EFL1: variants seen among roughly 807,000 people sequenced by gnomAD.
EFL1 encodes the protein elongation factor like GTPase 1.
Under a neutral mutation model 126.7 loss-of-function variants are expected in EFL1, and 76 were observed. The observed-to-expected ratio is 0.60, with a 90% CI of 0.50 to 0.73. EFL1 has a LOEUF of 0.73. EFL1 is among the 30% of genes least tolerant of loss of function. EFL1 has a pLI of 0.00. For synonymous variants in EFL1, 410 were observed against 448.4 expected, an observed-to-expected ratio of 0.91 and a Z score of 1.08; for missense variants, 1,128 against 1,343.2, an observed-to-expected ratio of 0.84 and a Z score of 2.50.
intron 3 of EFL1, among the ~76,000 whole-genome samples, chr15:82,253,369 G>C (rs912848995): frequency 3.3e-5 from 5 of 151,112 alleles, no homozygotes; most frequent in Admixed American, 2.6e-4. Context: ...TTAAGATGAT[G>C]GGGGTCTGGA....
At chr15:82,182,023 G>A (rs2141261249) in intron 15 of EFL1, among the ~76,000 whole-genome samples, 1 of 152,288 alleles carries the variant, frequency 6.6e-6, no homozygotes. Flanking sequence ...ACTTACGGAG[G>A]CTGAGGCAGG....
intron 2 of EFL1, among the ~76,000 whole-genome samples, chr15:82,260,089 T>C (rs2075100315): frequency 1.3e-5 from 2 of 152,224 alleles, no homozygotes; most frequent in South Asian, 4.1e-4. Flanking sequence ...GAACAACGCT[T>C]GTCATATAGA....
chr15:82,227,320 T>C, intron 11 of EFL1, 130 bp downstream of exon 11: 3 of 1,382,906 alleles, frequency 2.2e-6, no homozygotes, highest in Non-Finnish European at 3.0e-6. Context: ...GTGAAACTGT[T>C]CATCTGTGGA....
intron 12 of EFL1, 61 bp downstream of exon 12, chr15:82,225,104 C>T (rs747062237): frequency 2.4e-5 from 33 of 1,373,322 alleles, no homozygotes; most frequent in Non-Finnish European, 3.2e-5. Context: ...CACAGCCCAA[C>T]TGCATCCCAC....
At position 82,138,821 on chromosome 15, in the gene EFL1, G is replaced by T; in HGVS notation, c.3011C>A (p.Ser1004Ter). The change falls in exon 19 of 20, where the codon TCA becomes TAA. Residue 1004 changes from serine to a stop codon, truncating the protein, a stop_gained. Coordinates refer to ENST00000268206, the MANE Select transcript of EFL1 (RefSeq NM_024580.6). LOFTEE classifies it high-confidence loss of function. ...DVLGRVYAVLSKREGRVLQEE... is the reference protein window; with the variant it reads ...DVLGRVYAVL Reference sequence around the variant, plus strand: ...TTGAAGTACCCGACCTTCTCTCTTTGACAAGACAGCATAGACTCGACCTGT... The same window carrying T: ...TTGAAGTACCCGACCTTCTCTCTTTTACAAGACAGCATAGACTCGACCTGT... 1 of 1,613,534 alleles carries T rather than the reference G, an allele frequency of 6.2e-7. No individual in the cohort carries two copies.
intron 7 of EFL1, among the ~76,000 whole-genome samples, chr15:82,237,797 A>C (rs1397710751): frequency 6.6e-6 from 1 of 151,970 alleles, no homozygotes; most frequent in Non-Finnish European, 1.5e-5. Context: ...AAACTGGGGT[A>C]CATCCACACC....
intron 2 of EFL1, 49 bp downstream of exon 2, chr15:82,261,639 A>C (rs754098151): frequency 1.3e-6 from 2 of 1,542,872 alleles, no homozygotes; most frequent in African/African-American, 2.7e-5. Flanking sequence ...ACATACAGAG[A>C]CACATCTCCC....
chr15:82,167,915 C>G (rs1433632122), intron 15 of EFL1, among the ~76,000 whole-genome samples: 2 of 152,194 alleles, frequency 1.3e-5, no homozygotes, highest in South Asian at 4.1e-4. Context: ...GAACCATCAA[C>G]CTGTTCCTGT....
chr15:82,144,346 T>C (rs2073820519), intron 18 of EFL1, among the ~76,000 whole-genome samples: 1 of 151,994 alleles, frequency 6.6e-6, no homozygotes, highest in African/African-American at 2.4e-5. Context: ...AATAGTAGTC[T>C]TCAATGTGCT....
chr15:82,240,621 C>A (rs1900351300), intron 5 of EFL1, 66 bp from the exon 6 acceptor site: 7 of 1,582,810 alleles, frequency 4.4e-6, no homozygotes, highest in South Asian at 1.2e-5. Context: ...ATTAGAAAAT[C>A]GTGATTAATA....
intron 3 of EFL1, 152 bp from the exon 4 acceptor site, chr15:82,252,927 A>G (rs1424294267): frequency 4.8e-6 from 3 of 622,372 alleles, no homozygotes; most frequent in African/African-American, 3.7e-5. Context: ...TGTTGCCCAC[A>G]CTAGTCTTGA....
intron 15 of EFL1, among the ~76,000 whole-genome samples, chr15:82,173,571 C>T (rs976167070): frequency 1.7e-4 from 26 of 152,276 alleles, no homozygotes; most frequent in African/African-American, 4.8e-4. Flanking sequence ...ATGATTGTTT[C>T]AGTCAGCTCC....
At chr15:82,193,910 C>T (rs1040626600) in intron 15 of EFL1, among the ~76,000 whole-genome samples, 2 of 152,206 alleles carry the variant, frequency 1.3e-5, no homozygotes, top group African/African-American at 4.8e-5. Flanking sequence ...CCTTCACTCT[C>T]CTCATTCTGG....
At chr15:82,184,149 T>A (rs2074279599) in intron 15 of EFL1, among the ~76,000 whole-genome samples, 1 of 152,238 alleles carries the variant, frequency 6.6e-6, no homozygotes, top group South Asian at 2.1e-4. Context: ...TTGCATCTGT[T>A]AGAAAAGTCA....
At chr15:82,248,545 C>G (rs1212415456) in intron 4 of EFL1, among the ~76,000 whole-genome samples, 2 of 152,112 alleles carry the variant, frequency 1.3e-5, no homozygotes, top group Non-Finnish European at 2.9e-5. Flanking sequence ...CAACCACTAA[C>G]CCTATCCTAA....
intron 7 of EFL1, among the ~76,000 whole-genome samples, chr15:82,237,216 G>A (rs1263297001): frequency 1.3e-5 from 2 of 152,134 alleles, no homozygotes; most frequent in African/African-American, 4.8e-5. Context: ...ACTGTTAGAG[G>A]ATATGAAGTC....
intron 17 of EFL1, among the ~76,000 whole-genome samples, chr15:82,153,531 G>C (rs2073935864): frequency 6.6e-6 from 1 of 152,144 alleles, no homozygotes; most frequent in African/African-American, 2.4e-5. Flanking sequence ...GTAGGCACTA[G>C]TACTATCTAA....
At chr15:82,261,878 G>C in intron 1 of EFL1, 81 bp from the exon 2 acceptor site, 1 of 1,089,858 alleles carries the variant, frequency 9.2e-7, no homozygotes, top group Non-Finnish European at 1.3e-6. Flanking sequence ...AACGCTGGGA[G>C]GTGGCAAGCT....
chr15:82,247,344 A>C (rs1346949088), intron 4 of EFL1, among the ~76,000 whole-genome samples: 1 of 152,084 alleles, frequency 6.6e-6, no homozygotes, highest in African/African-American at 2.4e-5. Context: ...GCTGTTGAAG[A>C]AGTCATTCTC....
Sources: gnomAD v4.1 joint callset for allele counts (sites outside exome capture counted in the v4.1 genomes callset) on GRCh38, gnomAD v4.1.1 for gene constraint, MANE v1.5 for transcripts, NCBI Gene and HGNC (gene_info 2026-07-23, HGNC 2026-07-21) for gene names.